The following CDH15 variants were observed in gnomAD, a reference collection of about 807,000 sequenced individuals.
The protein encoded by CDH15 is cadherin-15.
In CDH15, 73 loss-of-function variants were observed where a neutral mutation model predicts 69.4. The ratio of observed to expected loss-of-function variants is 1.05; its 90% CI spans 0.87 to 1.28. The LOEUF (loss-of-function observed/expected upper bound fraction) is 1.28, where lower values mean the gene tolerates loss of function less well. Among genes scored for constraint, CDH15 ranks in the 50% most tolerant of loss-of-function variants. The pLI is 0.00. For missense variants in CDH15, 1,343 were observed against 1,133.6 expected (o/e 1.18, Z -2.65); for synonymous variants, 624 against 507.7 (o/e 1.23, Z -3.08).
chr16:89,187,787 C>T (rs983883265), intron 6 of CDH15, among the ~76,000 whole-genome samples: 1 of 152,156 alleles, frequency 6.6e-6, no homozygotes, highest in Non-Finnish European at 1.5e-5. Flanking sequence ...GAGAAGCAGC[C>T]CATGGGACCC....
At chr16:89,185,576 G>A in intron 5 of CDH15, 4 of 578,244 alleles carry the variant, frequency 6.9e-6, no homozygotes, top group Non-Finnish European at 1.2e-5. Context: ...CCGGCACAGG[G>A]CAGGGCTCCC....
chr16:89,184,737 C>A (rs1405080643), intron 4 of CDH15, among the ~76,000 whole-genome samples: 2 of 152,188 alleles, frequency 1.3e-5, no homozygotes, highest in Non-Finnish European at 2.9e-5. Flanking sequence ...CTCTGTTCAG[C>A]CTGCCCATGC....
chr16:89,180,437 C>A, intron 3 of CDH15, 82 bp downstream of exon 3: 1 of 1,464,572 alleles, frequency 6.8e-7, no homozygotes, highest in Non-Finnish European at 9.4e-7. Context: ...CCAGGCTTCT[C>A]CTCCCCGCTC....
At chr16:89,180,054 C>A (rs369267319) in intron 2 of CDH15, 146 bp from the exon 3 acceptor site, 2 of 882,138 alleles carry the variant, frequency 2.3e-6, no homozygotes. Context: ...CAGCACAGCT[C>A]CTCATTGGGT....
In CDH15 at chr16:89,192,382, G is replaced by A. The variant is rs1356288604; in HGVS notation, c.1793G>A (p.Gly598Glu). ...CLPGAAALLA[G>E]GTGLSLGALV... ...CCGGGGGCCGCAGCGCTGCTGGCGGGGGGCACAGGCCTCAGCCTGGGCGCA... is the reference window on the plus strand; with the variant it reads ...CCGGGGGCCGCAGCGCTGCTGGCGGAGGGCACAGGCCTCAGCCTGGGCGCA... Residue 598 changes from glycine (G) to glutamate (E), a missense_variant, in exon 11 of 14, where the codon GGG (glycine) becomes GAG (glutamate). Physicochemically the swap from Gly to Glu is moderately conservative, Grantham distance 98 (BLOSUM62 -2). Coordinates refer to ENST00000289746, the MANE Select transcript of CDH15 (RefSeq NM_004933.3). The A allele has an allele frequency of 1.3e-6, 2 of 1,537,188 alleles. No homozygotes were observed. Among genetic ancestry groups the A allele is most frequent in the Non-Finnish European group, 1.7e-6 (2 of 1,148,082 alleles).
At chr16:89,174,443 C>T (rs1161116715) in intron 1 of CDH15, among the ~76,000 whole-genome samples, 1 of 152,208 alleles carries the variant, frequency 6.6e-6, no homozygotes, top group Non-Finnish European at 1.5e-5. Context: ...CAAGGTCGGC[C>T]CCAGAACCGC....
At position 89,180,295 on chromosome 16, in the gene CDH15, G is replaced by C; in HGVS notation, c.297G>C (p.Lys99Asn). 6.2e-7 allele frequency: 1 copy of C among 1,612,186 alleles called. No individual in the cohort carries two copies. The highest frequency in any genetic ancestry group is 1.1e-5 in the South Asian group (1 of 90,700). The change falls in exon 3 of 14, where the codon AAG becomes AAC. Residue 99 changes from lysine (K) to asparagine (N), a missense_variant. Coordinates refer to ENST00000289746, the MANE Select transcript of CDH15 (RefSeq NM_004933.3). ...EEPRGVFSIDKFTGKVFLNAM... is the reference protein window; with the variant it reads ...EEPRGVFSIDNFTGKVFLNAM... ...CCCGGGGCGTCTTCTCTATCGACAA[G>C]TTCACAGGGAAGGTCTTCCTCAATG...
At chr16:89,182,014 A>AG (rs991374243) in intron 3 of CDH15, among the ~76,000 whole-genome samples, 51 of 151,622 alleles carry the variant, frequency 3.4e-4, no homozygotes, top group African/African-American at 1.2e-3. Flanking sequence ...AAGAAAAAAA[A>AG]GGGCAGTGGG....
intron 13 of CDH15, among the ~76,000 whole-genome samples, chr16:89,194,617 C>T (rs1016774060): frequency 1.3e-5 from 2 of 152,154 alleles, no homozygotes; most frequent in Non-Finnish European, 2.9e-5. Context: ...CAGGGCAGAG[C>T]CCCGGGGGAC....
intron 1 of CDH15, 37 bp from the exon 2 acceptor site, chr16:89,179,379 G>C (rs765886532): frequency 6.2e-7 from 1 of 1,612,376 alleles, no homozygotes; most frequent in South Asian, 1.1e-5. Context: ...AGGGCTCCAG[G>C]AGACGGTACT....
Position 89,190,510 on chromosome 16 carries a change from G to A in CDH15, c.1232+14G>A. On this transcript the variant is annotated intron_variant, in intron 8 of 13. Transcript: ENST00000289746. ...GCAGAGGCTCAGGTGGGGCTCCTGA[G>A]GCCCTGGGAGAGGTAGAGGAGGCTA... The A allele has an allele frequency of 6.3e-7, 1 of 1,581,194 alleles. No homozygotes were observed. The highest frequency in any genetic ancestry group is 1.2e-5 in the South Asian group (1 of 86,728).
chr16:89,185,062 C>T (rs979471921), intron 4 of CDH15, 111 bp from the exon 5 acceptor site: 11 of 1,057,532 alleles, frequency 1.0e-5, no homozygotes, highest in East Asian at 1.0e-4. Flanking sequence ...TGGGGTCAGC[C>T]GTGCTGGAAC....
rs1438847881 is a variant in CDH15 at position 89,179,501 on chromosome 16, T to A, written c.128T>A (p.Val43Glu). The A allele has an allele frequency of 6.2e-7, 1 of 1,613,276 alleles. No individual in the cohort carries two copies. The highest frequency in any genetic ancestry group is 1.7e-5 in the Admixed American group (1 of 60,004). The change falls in exon 2 of 14, where the codon GTG becomes GAG. Residue 43 changes from valine to glutamate, a missense_variant. Transcript: ENST00000289746. The stretch of plus-strand genomic sequence containing the variant: ...CGCCGGGCGCCTGCCCTGAGCCGCG[T>A]GCGGAGGGCCTGGGTCATCCCCCCG... ...PWRRAPALSR[V>E]RRAWVIPPIS...
intron 1 of CDH15, among the ~76,000 whole-genome samples, chr16:89,176,533 G>A (rs762545095): frequency 5.3e-5 from 8 of 152,186 alleles, no homozygotes; most frequent in African/African-American, 1.9e-4. Flanking sequence ...GGGCCGACTC[G>A]GTGCTCCCTC....
chr16:89,187,493 C>T lies in CDH15; in HGVS notation c.728C>T (p.Thr243Ile). Residue 243 changes from threonine to isoleucine, a missense_variant, in exon 6 of 14, where the codon ACT becomes ATT. Coordinates refer to ENST00000289746, the MANE Select transcript of CDH15 (RefSeq NM_004933.3). ...ADMSGDGLTA[T>I]ASAIITLDDI... The stretch of plus-strand genomic sequence containing the variant: ...ATGTCTGGAGACGGCCTCACAGCCA[C>T]TGCCTCAGCCATCATCACCCTTGAT... 6.2e-7 allele frequency: 1 copy of T among 1,613,710 alleles called. No homozygotes were observed. The highest frequency in any genetic ancestry group is 1.1e-5 in the South Asian group (1 of 91,090).
At chr16:89,172,118 G>C (rs1056332598) in intron 1 of CDH15, among the ~76,000 whole-genome samples, 2 of 152,120 alleles carry the variant, frequency 1.3e-5, no homozygotes, top group African/African-American at 4.8e-5. Context: ...GTGCTGCTGG[G>C]GTCAGGGACC....
intron 2 of CDH15, 92 bp from the exon 3 acceptor site, chr16:89,180,108 G>C: frequency 7.1e-7 from 1 of 1,410,728 alleles, no homozygotes; most frequent in East Asian, 2.4e-5. Flanking sequence ...GACCTGCCCT[G>C]CTGTCAGCTG....
chr16:89,194,043 C>A, intron 13 of CDH15, 130 bp downstream of exon 13: 1 of 1,080,198 alleles, frequency 9.3e-7, no homozygotes, highest in Non-Finnish European at 1.3e-6. Context: ...CCCAGAGCAC[C>A]GCAGAGGAAG....
At chr16:89,179,327 GCCT>G in intron 1 of CDH15, 86 bp from the exon 2 acceptor site, 1 of 1,489,270 alleles carries the variant, frequency 6.7e-7, no homozygotes, top group Non-Finnish European at 9.3e-7. Context: ...GCGCCCCGTG[GCCT>G]CCTCACCACC....
Sources: allele counts gnomAD v4.1 joint callset (sites outside exome capture counted in the v4.1 genomes callset), GRCh38; gene constraint gnomAD v4.1.1; transcripts MANE v1.5; gene names NCBI Gene and HGNC (gene_info 2026-07-23, HGNC 2026-07-21).